Variants in QTMAN observed in about 807,000 individuals in gnomAD.
QTMAN encodes the protein tRNA-queuosine alpha-mannosyltransferase.
the QTMAN span, among the ~76,000 whole-genome samples, chr2:144,025,589 T>G: frequency 2.0e-5 from 3 of 152,166 alleles, no homozygotes; most frequent in South Asian, 6.2e-4. Flanking sequence ...GCAAGGTACA[T>G]GCAAGTAGGG....
At chr2:144,069,284 T>C in the QTMAN span, among the ~76,000 whole-genome samples, 8 of 142,734 alleles carry the variant, frequency 5.6e-5, no homozygotes, top group Non-Finnish European at 9.1e-5. Context: ...GTCAGTCTTA[T>C]GGGAATCTTT....
chr2:144,061,271 GATAA>G, the QTMAN span, among the ~76,000 whole-genome samples: 1 of 151,932 alleles, frequency 6.6e-6, no homozygotes, highest in Admixed American at 6.6e-5. Flanking sequence ...ATTAATATTT[GATAA>G]GGAATAAGAT....
chr2:144,306,465 C>T, the QTMAN span, among the ~76,000 whole-genome samples: 1 of 152,176 alleles, frequency 6.6e-6, no homozygotes, highest in Admixed American at 6.5e-5. Flanking sequence ...TTGTAGATGG[C>T]TGCCTTCTCA....
At chr2:144,286,022 T>C in the QTMAN span, among the ~76,000 whole-genome samples, 1 of 152,176 alleles carries the variant, frequency 6.6e-6, no homozygotes. Flanking sequence ...AAATTATAAA[T>C]AGACAATACA....
At chr2:144,006,663 T>C in the QTMAN span, 2 of 152,278 alleles carry the variant, frequency 1.3e-5, no homozygotes, top group South Asian at 4.2e-4. Context: ...CTAGAAAGTA[T>C]TTTGCTTAGC....
the QTMAN span, among the ~76,000 whole-genome samples, chr2:144,138,101 T>C: frequency 1.3e-5 from 2 of 151,968 alleles, no homozygotes; most frequent in Non-Finnish European, 2.9e-5. Flanking sequence ...AAGGTCAGGA[T>C]GATGATGAGG....
the QTMAN span, among the ~76,000 whole-genome samples, chr2:144,147,386 C>G: frequency 1.3e-5 from 2 of 151,786 alleles, no homozygotes; most frequent in Non-Finnish European, 2.9e-5. Context: ...CCCCACACCA[C>G]TACCACATAT....
chr2:144,314,989 G>A, the QTMAN span, among the ~76,000 whole-genome samples: 1 of 152,062 alleles, frequency 6.6e-6, no homozygotes, highest in African/African-American at 2.4e-5. Flanking sequence ...GGGTTCAAGC[G>A]ATCCTTGTGC....
the QTMAN span, among the ~76,000 whole-genome samples, chr2:144,148,903 CTAGTTT>C: frequency 6.6e-6 from 1 of 151,910 alleles, no homozygotes; most frequent in African/African-American, 2.4e-5. Flanking sequence ...ATAGCCCTCA[CTAGTTT>C]TAAATAGTGG....
chr2:144,059,748 C>T, the QTMAN span, among the ~76,000 whole-genome samples: 192 of 152,260 alleles, frequency 1.3e-3, 1 homozygote, highest in African/African-American at 4.4e-3. Context: ...TACCTCTCCC[C>T]TTCTTCCCTG....
chr2:144,149,170 C>G, the QTMAN span, among the ~76,000 whole-genome samples: 4 of 151,812 alleles, frequency 2.6e-5, no homozygotes, highest in African/African-American at 9.7e-5. Context: ...CTCATCCTGC[C>G]TCAGGTATTA....
the QTMAN span, among the ~76,000 whole-genome samples, chr2:144,272,871 T>C: frequency 1.3e-5 from 2 of 152,164 alleles, no homozygotes; most frequent in South Asian, 4.1e-4. Context: ...CATAGAAGGT[T>C]CTGACATCTG....
At chr2:144,129,682 C>T in the QTMAN span, among the ~76,000 whole-genome samples, 2 of 152,026 alleles carry the variant, frequency 1.3e-5, no homozygotes, top group Non-Finnish European at 2.9e-5. Flanking sequence ...TACCATCATT[C>T]ATCACCCATG....
the QTMAN span, chr2:144,007,312 A>AT: frequency 1.2e-5 from 20 of 1,613,030 alleles, no homozygotes; most frequent in Non-Finnish European, 1.5e-5. Context: ...GACGAGGTGG[A>AT]TTTTTTCAAG....
the QTMAN span, among the ~76,000 whole-genome samples, chr2:144,072,948 A>G: frequency 2.0e-5 from 3 of 152,036 alleles, no homozygotes; most frequent in African/African-American, 7.2e-5. Flanking sequence ...ACACAGGGGG[A>G]TTTTATGTTA....
the QTMAN span, among the ~76,000 whole-genome samples, chr2:144,082,382 C>T: frequency 1.2e-4 from 19 of 152,222 alleles, no homozygotes; most frequent in South Asian, 1.2e-3. Flanking sequence ...AGGTAGTAAA[C>T]AAAAAGCAAT....
the QTMAN span, among the ~76,000 whole-genome samples, chr2:144,176,410 T>C: frequency 3.9e-5 from 6 of 152,106 alleles, no homozygotes; most frequent in African/African-American, 1.4e-4. Context: ...AGTATCATAC[T>C]TGGGAAGAAA....
chr2:144,171,838 C>A, the QTMAN span, among the ~76,000 whole-genome samples: 1 of 151,944 alleles, frequency 6.6e-6, no homozygotes, highest in Middle Eastern at 3.2e-3. Flanking sequence ...AACCAGGTTA[C>A]AAATAGAGAA....
chr2:144,318,365 T>A, the QTMAN span, among the ~76,000 whole-genome samples: 90 of 152,184 alleles, frequency 5.9e-4, no homozygotes, highest in Admixed American at 1.5e-3. Context: ...GGCATTTAAT[T>A]CAAAATCTCT....
Sources: gnomAD v4.1 joint callset for allele counts (sites outside exome capture counted in the v4.1 genomes callset) on GRCh38, gnomAD v4.1.1 for gene constraint, MANE v1.5 for transcripts, NCBI Gene and HGNC (gene_info 2026-07-23, HGNC 2026-07-21) for gene names.